NID1: variants seen among roughly 807,000 people sequenced by gnomAD.
The protein encoded by NID1 is nidogen 1, also known as nidogen-1.
Under a neutral mutation model 130.6 loss-of-function variants are expected in NID1, and 76 were observed. That is an observed-to-expected ratio of 0.58 (90% CI 0.48 to 0.70). The LOEUF is 0.70. Among genes scored for constraint, NID1 ranks in the 30% least tolerant of loss-of-function variants. NID1 has a pLI of 0.00. For missense variants in NID1, 1,517 were observed against 1,664.8 expected (o/e 0.91, Z 1.54); for synonymous variants, 665 against 675.1 (o/e 0.98, Z 0.23).
At chr1:236,034,672 C>T (rs903462072) in intron 5 of NID1, among the ~76,000 whole-genome samples, 3 of 152,044 alleles carry the variant, frequency 2.0e-5, no homozygotes, top group East Asian at 1.9e-4. Context: ...CTAATGGACA[C>T]GGTGTTTCTT....
intron 13 of NID1, among the ~76,000 whole-genome samples, chr1:235,992,747 G>A (rs1198421828): frequency 2.0e-5 from 3 of 152,210 alleles, no homozygotes; most frequent in East Asian, 1.9e-4. Context: ...CTGTGTGAAC[G>A]AGTGAAGTTT....
chr1:236,055,233 G>A (rs562786806), intron 1 of NID1, among the ~76,000 whole-genome samples: 5 of 151,936 alleles, frequency 3.3e-5, no homozygotes, highest in Non-Finnish European at 7.4e-5. Context: ...GAACCCGGGA[G>A]GTGGAGCTTG....
intron 4 of NID1, among the ~76,000 whole-genome samples, chr1:236,040,421 G>A (rs768704932): frequency 5.3e-5 from 8 of 152,176 alleles, no homozygotes; most frequent in Non-Finnish European, 4.4e-5. Flanking sequence ...GTGAGAACAA[G>A]CGTGTATGGC....
At chr1:236,003,423 A>G (rs1173511214) in intron 12 of NID1, among the ~76,000 whole-genome samples, 1 of 152,208 alleles carries the variant, frequency 6.6e-6, no homozygotes, top group Admixed American at 6.5e-5. Flanking sequence ...TCTAACCCCC[A>G]TATCTTCATG....
intron 15 of NID1, among the ~76,000 whole-genome samples, chr1:235,985,120 G>A (rs1280882270): frequency 1.3e-5 from 2 of 151,744 alleles, no homozygotes; most frequent in African/African-American, 2.4e-5. Context: ...GTGAACCCAG[G>A]AGGCAGAGCT....
intron 5 of NID1, among the ~76,000 whole-genome samples, chr1:236,033,230 C>T (rs953056264): frequency 2.0e-5 from 3 of 152,168 alleles, no homozygotes; most frequent in Non-Finnish European, 4.4e-5. Context: ...ATCGCTTGAA[C>T]CCGGGAGGCT....
At chr1:236,012,795 G>A (rs960976026) in intron 11 of NID1, among the ~76,000 whole-genome samples, 1 of 152,228 alleles carries the variant, frequency 6.6e-6, no homozygotes, top group South Asian at 2.1e-4. Context: ...TTCTATCTTA[G>A]TTGGGACTTT....
intron 5 of NID1, among the ~76,000 whole-genome samples, chr1:236,033,773 C>A (rs1188265546): frequency 2.0e-5 from 3 of 152,170 alleles, no homozygotes; most frequent in Non-Finnish European, 4.4e-5. Flanking sequence ...TAACTCAGGG[C>A]AAACGTGGTG....
rs752275628 is a variant in NID1, at chr1:236,048,732, G to A, written c.483C>T (p.Ala161=). ...SAVVVTWESV[A]PYQGPSRDPD... ...GGTCCCTGCTGGGCCCTTGGTAGGG[G>A]GCCACGGATTCCCAAGTGACAACCA... The change falls in exon 2 of 20, where the codon GCC becomes GCT. Residue 161 remains alanine, a synonymous_variant. Transcript: ENST00000264187. 2 of 1,612,586 alleles carry A rather than the reference G, an allele frequency of 1.2e-6. No individual in the cohort carries two copies. The highest frequency in any genetic ancestry group is 2.2e-5 in the East Asian group (1 of 44,882).
chr1:235,976,514 C>T lies in NID1; in HGVS notation c.*1353G>A, dbSNP rs1051797600. Reference sequence around the variant, plus strand: ...TGTGATACTTTTCATTGAATCATCTCGACTCCTTTATCCCATCCTTTACTG... The same window carrying T: ...TGTGATACTTTTCATTGAATCATCTTGACTCCTTTATCCCATCCTTTACTG... On this transcript the variant is annotated 3_prime_UTR_variant, in exon 20 of 20. Transcript: ENST00000264187. The T allele has an allele frequency of 2.6e-5, 4 of 152,040 alleles. No individual in the cohort carries two copies. The highest frequency in any genetic ancestry group is 1.9e-4 in the East Asian group (1 of 5,186). 9.4% of individuals were successfully genotyped at this position (152,040 alleles called of 1,614,324 possible). A position where few individuals can be genotyped will look rare whatever the true frequency, so the allele number is the denominator to read the frequency against.
At chr1:236,020,065 CA>C (rs1421457779) in intron 9 of NID1, among the ~76,000 whole-genome samples, 1 of 107,722 alleles carries the variant, frequency 9.3e-6, no homozygotes, top group Non-Finnish European at 1.8e-5. Flanking sequence ...AAAACAAAAA[CA>C]AACTTCTTTT....
intron 12 of NID1, among the ~76,000 whole-genome samples, chr1:236,009,866 T>A (rs1470411627): frequency 6.6e-6 from 1 of 152,236 alleles, no homozygotes; most frequent in East Asian, 1.9e-4. Context: ...AATGTTAAAC[T>A]TCTTAAGGGA....
chr1:236,008,310 T>C (rs1321692341), intron 12 of NID1, among the ~76,000 whole-genome samples: 1 of 152,190 alleles, frequency 6.6e-6, no homozygotes, highest in Admixed American at 6.5e-5. Context: ...AGTTGACATT[T>C]CAGTAGCCAT....
chr1:236,020,435 G>A (rs375467481), intron 9 of NID1, among the ~76,000 whole-genome samples: 163 of 152,208 alleles, frequency 1.1e-3, no homozygotes, highest in African/African-American at 3.9e-3. Context: ...CATACTCGAC[G>A]ATTACTCAAT....
chr1:235,987,728 C>T (rs1029994142), intron 14 of NID1, among the ~76,000 whole-genome samples: 82 of 152,198 alleles, frequency 5.4e-4, no homozygotes, highest in African/African-American at 6.3e-4. Flanking sequence ...CTAGGCATTA[C>T]GAAGCCAGGG....
intron 4 of NID1, among the ~76,000 whole-genome samples, chr1:236,041,388 TAC>T (rs948378487): frequency 6.6e-4 from 101 of 152,176 alleles, no homozygotes; most frequent in African/African-American, 2.3e-3. Flanking sequence ...AAAGAGTATC[TAC>T]TTTGATATAT....
In NID1 at chr1:236,025,974, C is replaced by T. The variant is rs2102826801; in HGVS notation, c.1906G>A (p.Asp636Asn). Residue 636 changes from aspartate to asparagine, a missense_variant, in exon 8 of 20, where the codon GAC (aspartate) becomes AAC (asparagine). Asp to Asn is a conservative substitution (Grantham distance 23). This residue lies in a region of NID1 where 1,329 missense variants were observed against 1,429.2 expected (regional missense o/e 0.93). Coordinates refer to ENST00000264187, the MANE Select transcript of NID1 (RefSeq NM_002508.3). ...ALPSTQQLSV[D>N]SVFVLYNQEE... Reference sequence around the variant, plus strand: ...TGGTTGTACAGGACGAACACGCTGTCCACCGAGAGCTGCTGGGTGCTGGGC... The same window carrying T: ...TGGTTGTACAGGACGAACACGCTGTTCACCGAGAGCTGCTGGGTGCTGGGC... The T allele has an allele frequency of 1.9e-6, 3 of 1,613,832 alleles. No individual in the cohort carries two copies. The highest frequency in any genetic ancestry group is 1.1e-5 in the South Asian group (1 of 91,054).
intron 14 of NID1, among the ~76,000 whole-genome samples, chr1:235,989,201 A>C (rs2025602): frequency 0.77 from 117,352 of 151,554 alleles, 45,731 homozygotes; most frequent in African/African-American, 0.86. Context: ...GGATTACAGG[A>C]ACGCACCACC....
At chr1:236,002,368 T>C (rs1197964292) in intron 12 of NID1, among the ~76,000 whole-genome samples, 1 of 152,140 alleles carries the variant, frequency 6.6e-6, no homozygotes, top group Non-Finnish European at 1.5e-5. Context: ...CCAGGCGCAG[T>C]GGCACATGCC....
Sources: allele counts gnomAD v4.1 joint callset (sites outside exome capture counted in the v4.1 genomes callset), GRCh38; gene constraint gnomAD v4.1.1; regional missense constraint gnomAD v4.1.1; transcripts MANE v1.5; gene names NCBI Gene and HGNC (gene_info 2026-07-23, HGNC 2026-07-21).